The following ANKIB1 variants were observed in gnomAD, a reference collection of about 807,000 sequenced individuals.
The protein encoded by ANKIB1 is ankyrin repeat and IBR domain-containing protein 1.
A neutral mutation model predicts 122.1 loss-of-function variants in ANKIB1; 43 were observed. That is an observed-to-expected ratio of 0.35 (90% CI 0.28 to 0.45). The LOEUF is 0.45. Among genes scored for constraint, ANKIB1 ranks in the 20% least tolerant of loss-of-function variants. The pLI, the probability that ANKIB1 is intolerant of heterozygous loss-of-function variation, is 1.00. For missense variants in ANKIB1, 992 were observed against 1,329.5 expected (o/e 0.75, Z 3.95); for synonymous variants, 390 against 442.0 (o/e 0.88, Z 1.48).
chr7:92,334,626 T>G (rs923971205), intron 5 of ANKIB1, among the ~76,000 whole-genome samples: 1 of 152,010 alleles, frequency 6.6e-6, no homozygotes, highest in African/African-American at 2.4e-5. Flanking sequence ...ATGGCTCTCA[T>G]GATTTTTATA....
chr7:92,283,040 C>G (rs1353753900), intron 1 of ANKIB1, among the ~76,000 whole-genome samples: 1 of 152,094 alleles, frequency 6.6e-6, no homozygotes, highest in Non-Finnish European at 1.5e-5. Flanking sequence ...TCTCTAACTA[C>G]AGTATCATTT....
Position 92,390,089 on chromosome 7 carries a change from A to T in ANKIB1, c.2025A>T (p.Thr675=). Residue 675 remains threonine, a synonymous_variant, in exon 15 of 20, where the codon ACA becomes ACT. Coordinates refer to ENST00000265742, the MANE Select transcript of ANKIB1 (RefSeq NM_019004.2). ...PYGFFLEPKS[T]KKEIFELMQT... The stretch of plus-strand genomic sequence containing the variant: ...GATTTTTCTTGGAACCTAAAAGCAC[A>T]AAGAAAGAAATTTTTGAACTAATGC... 1 of 1,584,728 alleles carries T rather than the reference A, an allele frequency of 6.3e-7. No individual in the cohort carries two copies. Among genetic ancestry groups the T allele is most frequent in the Non-Finnish European group, 8.5e-7 (1 of 1,170,666 alleles).
In ANKIB1 at chr7:92,401,261, T is replaced by C. The variant is rs1245607713; in HGVS notation, c.*2312T>C. On this transcript the variant is annotated 3_prime_UTR_variant, in exon 20 of 20. Transcript: ENST00000265742. ...TGACTTGTTATTTGCACTTTCATAGTCTATACTTGATACATTCCCACTTTA... is the reference window on the plus strand; with the variant it reads ...TGACTTGTTATTTGCACTTTCATAGCCTATACTTGATACATTCCCACTTTA... 1.3e-5 allele frequency: 2 copies of C among 152,232 alleles called. No homozygotes were observed. The highest frequency in any genetic ancestry group is 2.9e-5 in the Non-Finnish European group (2 of 68,038). 9.4% of individuals were successfully genotyped at this position (152,232 alleles called of 1,614,324 possible).
chr7:92,398,461 G>A lies in ANKIB1; in HGVS notation c.2782G>A (p.Glu928Lys). Residue 928 changes from glutamate (E) to lysine (K), a missense_variant, in exon 20 of 20, where the codon GAG (glutamate) becomes AAG (lysine). By Grantham distance (56) the Glu-to-Lys change is moderately conservative. This residue lies in a region of ANKIB1 where 384 missense variants were observed against 412.0 expected (regional missense o/e 0.93). Transcript: ENST00000265742. ...TGACAGCCTCATGAGACTAGGAGCA[G>A]AGAATGACCCATTTTCAACTGACAC... Reference protein sequence around the residue: ...LGDSLMRLGAENDPFSTDTLS... With the variant: ...LGDSLMRLGAKNDPFSTDTLS... The A allele has an allele frequency of 6.2e-7, 1 of 1,613,940 alleles. No individual in the cohort carries two copies. Among genetic ancestry groups the A allele is most frequent in the Non-Finnish European group, 8.5e-7 (1 of 1,179,858 alleles).
intron 1 of ANKIB1, among the ~76,000 whole-genome samples, chr7:92,258,812 G>T (rs1801502696): frequency 6.6e-6 from 1 of 152,038 alleles, no homozygotes; most frequent in African/African-American, 2.4e-5. Context: ...TCATCCATCT[G>T]CTATCTAGAT....
chr7:92,323,045 T>G (rs1024228560), intron 4 of ANKIB1, among the ~76,000 whole-genome samples: 2 of 152,204 alleles, frequency 1.3e-5, no homozygotes, highest in Non-Finnish European at 2.9e-5. Context: ...ATTTTCAACA[T>G]TAGCTAATTG....
intron 10 of ANKIB1, among the ~76,000 whole-genome samples, chr7:92,370,637 T>C (rs377211445): frequency 3.4e-5 from 5 of 147,504 alleles, no homozygotes; most frequent in East Asian, 4.1e-4. Context: ...TACCAACACA[T>C]AGAAATGATA....
intron 11 of ANKIB1, among the ~76,000 whole-genome samples, chr7:92,381,528 C>G (rs970817925): frequency 6.6e-6 from 1 of 152,230 alleles, no homozygotes; most frequent in African/African-American, 2.4e-5. Context: ...GCCCATCAGA[C>G]TAACAGCGGA....
At chr7:92,385,131 G>T (rs2115689435) in intron 11 of ANKIB1, among the ~76,000 whole-genome samples, 1 of 152,360 alleles carries the variant, frequency 6.6e-6, no homozygotes, top group East Asian at 1.9e-4. Flanking sequence ...ATGAAAAAAT[G>T]CTCATCATCA....
intron 1 of ANKIB1, among the ~76,000 whole-genome samples, chr7:92,265,503 A>C (rs1801653462): frequency 6.6e-6 from 1 of 152,264 alleles, no homozygotes; most frequent in Non-Finnish European, 1.5e-5. Flanking sequence ...TTTGAATACT[A>C]TTCTAATGCA....
intron 5 of ANKIB1, among the ~76,000 whole-genome samples, chr7:92,338,883 G>T (rs1470500948): frequency 9.0e-6 from 1 of 110,856 alleles, no homozygotes; most frequent in African/African-American, 3.6e-5. Context: ...CTGCACTCCA[G>T]CCTGGGCGAC....
chr7:92,329,115 A>G (rs1203583262), intron 5 of ANKIB1, among the ~76,000 whole-genome samples: 1 of 151,320 alleles, frequency 6.6e-6, no homozygotes, highest in Non-Finnish European at 1.5e-5. Flanking sequence ...TTACAGGTGC[A>G]CACCACCACA....
At chr7:92,344,419 G>C (rs1166894311) in intron 6 of ANKIB1, among the ~76,000 whole-genome samples, 1 of 151,798 alleles carries the variant, frequency 6.6e-6, no homozygotes, top group Non-Finnish European at 1.5e-5. Flanking sequence ...TGGTCAGGCT[G>C]GTCTTGAACT....
rs1284363379 is a variant in ANKIB1, at chr7:92,399,335, A to AT, written c.*386_*387insT. On this transcript the variant is annotated 3_prime_UTR_variant, in exon 20 of 20. Coordinates refer to ENST00000265742, the MANE Select transcript of ANKIB1 (RefSeq NM_019004.2). ...CTAATCTTTGGGTGGCTTTCCTTTA[A>AT]AAAAAAAAAAAAAGTTTTCTTCATT... 7.0e-6 allele frequency: 1 copy of AT among 142,882 alleles called. No individual in the cohort carries two copies. The highest frequency in any genetic ancestry group is 2.1e-4 in the South Asian group (1 of 4,698). 8.9% of individuals were successfully genotyped at this position (142,882 alleles called of 1,614,324 possible).
At chr7:92,345,219 A>C (rs1409272917) in intron 7 of ANKIB1, among the ~76,000 whole-genome samples, 153 bp downstream of exon 7, 1 of 152,196 alleles carries the variant, frequency 6.6e-6, no homozygotes, top group Non-Finnish European at 1.5e-5. Context: ...GTAAGGAAAA[A>C]TATTTTTGTT....
intron 5 of ANKIB1, among the ~76,000 whole-genome samples, chr7:92,341,504 A>C (rs1027335019): frequency 6.6e-6 from 1 of 152,032 alleles, no homozygotes; most frequent in Non-Finnish European, 1.5e-5. Context: ...AAAAAAAAAA[A>C]AACTGTAAAC....
intron 3 of ANKIB1, among the ~76,000 whole-genome samples, chr7:92,316,743 A>C (rs199573870): frequency 6.6e-6 from 1 of 151,658 alleles, no homozygotes; most frequent in Non-Finnish European, 1.5e-5. Flanking sequence ...CATTTTTTTA[A>C]CCCCCCAATG....
intron 5 of ANKIB1, among the ~76,000 whole-genome samples, chr7:92,341,945 C>T (rs539432099): frequency 2.0e-5 from 3 of 152,088 alleles, no homozygotes; most frequent in South Asian, 4.1e-4. Flanking sequence ...TATTTATATA[C>T]GTACTTGTTT....
At chr7:92,301,513 C>G (rs946960227) in intron 2 of ANKIB1, among the ~76,000 whole-genome samples, 2 of 151,972 alleles carry the variant, frequency 1.3e-5, no homozygotes, top group Non-Finnish European at 1.5e-5. Context: ...CATTTAGGTC[C>G]TTTGCCCATT....
Sources: allele counts gnomAD v4.1 joint callset (sites outside exome capture counted in the v4.1 genomes callset), GRCh38; gene constraint gnomAD v4.1.1; regional missense constraint gnomAD v4.1.1; transcripts MANE v1.5; gene names NCBI Gene and HGNC (gene_info 2026-07-23, HGNC 2026-07-21).